Variants in RNF19A observed in about 807,000 individuals in gnomAD.
RNF19A encodes the protein E3 ubiquitin-protein ligase RNF19A.
RNF19A carries 32 observed loss-of-function variants against 75.7 expected under a neutral mutation model. The observed-to-expected ratio is 0.42, with a 90% CI of 0.32 to 0.57. The LOEUF (loss-of-function observed/expected upper bound fraction) is 0.57. Among genes scored for constraint, RNF19A ranks in the 20% least tolerant of loss-of-function variants. The probability of loss-of-function intolerance (pLI) is 0.10; values close to 1 mark genes in which losing one functional copy is unlikely to be tolerated. For missense variants in RNF19A, 782 were observed against 1,036.3 expected (o/e 0.75, Z 3.37); for synonymous variants, 335 against 345.2 (o/e 0.97, Z 0.33).
At chr8:100,296,525 A>T (rs780079811) in intron 1 of RNF19A, among the ~76,000 whole-genome samples, 10 of 152,260 alleles carry the variant, frequency 6.6e-5, no homozygotes, top group Non-Finnish European at 8.8e-5. Context: ...TTAAAATAAC[A>T]GCTAATGCAT....
chr8:100,259,235 C>G lies in RNF19A; in HGVS notation c.1838G>C (p.Ser613Thr). 2 of 1,605,098 alleles carry G rather than the reference C, an allele frequency of 1.2e-6. No individual in the cohort carries two copies. The highest frequency in any genetic ancestry group is 1.7e-6 in the Non-Finnish European group (2 of 1,175,062). The change falls in exon 10 of 10, where the codon AGT (serine) becomes ACT (threonine). Residue 613 changes from serine (S) to threonine (T), a missense_variant. Physicochemically the swap from Ser to Thr is moderately conservative, Grantham distance 58. Around this residue, in one of 7 missense-constraint regions of RNF19A, gnomAD observed 442 missense variants for 541.6 expected, o/e 0.82. Transcript: ENST00000341084. The surrounding 1 kb of genome is among the most constrained non-coding windows in gnomAD (Gnocchi z 4.5). ...SYIPLDKEGN[S>T]MEVQVDIESK... is the part of the protein sequence containing the mutation. ...CTCAATATCTACTTGCACCTCCATA[C>G]TGTTGCCTTCTCTGAAATATAAGAG...
intron 2 of RNF19A, among the ~76,000 whole-genome samples, chr8:100,282,196 G>A (rs1820810141): frequency 6.6e-6 from 1 of 152,136 alleles, no homozygotes; most frequent in Admixed American, 6.5e-5. Flanking sequence ...CATTAACATG[G>A]TTTTGAATGA....
At chr8:100,310,330 G>A (rs985842052), upstream of RNF19A, 2 of 799,986 alleles carry the variant, frequency 2.5e-6, no homozygotes, top group South Asian at 5.6e-5. Flanking sequence ...CGGCCCCCAC[G>A]CCTGTCCCTG....
At chr8:100,304,960 G>A (rs1462610697) in intron 1 of RNF19A, among the ~76,000 whole-genome samples, 1 of 152,110 alleles carries the variant, frequency 6.6e-6, no homozygotes, top group Non-Finnish European at 1.5e-5. Flanking sequence ...TTTAGAGATG[G>A]TGTCTTGCTC....
chr8:100,287,841 T>C lies in RNF19A; in HGVS notation c.334A>G (p.Asn112Asp), dbSNP rs1204546639. 6.2e-7 allele frequency: 1 copy of C among 1,614,074 alleles called. No homozygotes were observed. The highest frequency in any genetic ancestry group is 8.5e-7 in the Non-Finnish European group (1 of 1,180,022). ...GTTAATCCATTGTCAGAAGAGGTAT[T>C]TGTAGAGAAAATGGAGTTCTTATCA... The part of the protein sequence containing the change: ...CTDKNSIFST[N>D]TSSDNGLTSI... Residue 112 changes from asparagine (N) to aspartate (D), a missense_variant, in exon 2 of 10, where the codon AAT becomes GAT. Asn to Asp is a conservative substitution (Grantham distance 23). Around this residue, in one of 7 missense-constraint regions of RNF19A, gnomAD observed 148 missense variants for 147.9 expected, o/e 1.00. Coordinates refer to ENST00000341084, the MANE Select transcript of RNF19A (RefSeq NM_183419.4). The surrounding 1 kb of genome is among the most constrained non-coding windows in gnomAD (Gnocchi z 4.1).
In RNF19A at chr8:100,264,154, C is replaced by A; in HGVS notation, c.1348G>T (p.Val450Phe). Reference protein sequence around the residue: ...PIMLAYVYGVVPISLCRSGGC... With the variant: ...PIMLAYVYGVFPISLCRSGGC... The stretch of plus-strand genomic sequence containing the variant: ...CCGCTTCGACAAAGAGAAATTGGAA[C>A]TACGCCATAGACATAAGCTAACATA... Residue 450 changes from valine to phenylalanine, a missense_variant, in exon 7 of 10, where the codon GTT becomes TTT. Around this residue, in one of 7 missense-constraint regions of RNF19A, gnomAD observed 442 missense variants for 541.6 expected, o/e 0.82. Transcript: ENST00000341084. The surrounding 1 kb of genome is among the most constrained non-coding windows in gnomAD (Gnocchi z 4.7). The A allele has an allele frequency of 6.2e-7, 1 of 1,613,740 alleles. No homozygotes were observed. Among genetic ancestry groups the A allele is most frequent in the Non-Finnish European group, 8.5e-7 (1 of 1,179,750 alleles).
At chr8:100,270,863 G>A (rs933428846) in intron 3 of RNF19A, among the ~76,000 whole-genome samples, 8 of 152,110 alleles carry the variant, frequency 5.3e-5, no homozygotes, top group African/African-American at 1.9e-4. Flanking sequence ...ATGGCGTCAA[G>A]TTAAAATCAA....
At position 100,285,693 on chromosome 8, in the gene RNF19A, C is replaced by T. The variant is rs190090451; in HGVS notation, c.674+1808G>A. On this transcript the variant is annotated intron_variant, in intron 2 of 9. Transcript: ENST00000341084. ...TGTTGCCCAGGCTGGAGTATAGTGG[C>T]GCAATCACGGCTCACTGCAGCCTCG... 3.6e-3 allele frequency among the ~76,000 whole-genome samples: 548 copies of T among 151,626 alleles called. 3 individuals are homozygous for T. Among genetic ancestry groups the T allele is most frequent in the African/African-American group, 0.012 (489 of 41,288 alleles).
intron 3 of RNF19A, 30 bp from the exon 4 acceptor site, chr8:100,270,043 T>A (rs755561162): frequency 1.3e-6 from 2 of 1,484,480 alleles, no homozygotes; most frequent in Admixed American, 4.7e-5. Flanking sequence ...ATCTATTAAG[T>A]ACATAAAACT....
chr8:100,291,794 T>C (rs996186400), intron 1 of RNF19A, among the ~76,000 whole-genome samples: 1 of 152,202 alleles, frequency 6.6e-6, no homozygotes, highest in Non-Finnish European at 1.5e-5. Flanking sequence ...TCCAGTAATT[T>C]TGTGCTGATG....
rs1181281034 is a variant in RNF19A, at chr8:100,287,207, C to A, written c.674+294G>T. Among the ~76,000 whole-genome samples the A allele has an allele frequency of 1.3e-5, 2 of 152,124 alleles. No individual in the cohort carries two copies. Among genetic ancestry groups the A allele is most frequent in the African/African-American group, 4.8e-5 (2 of 41,422 alleles). On this transcript the variant is annotated intron_variant, in intron 2 of 9. Coordinates refer to ENST00000341084, the MANE Select transcript of RNF19A (RefSeq NM_183419.4). This position sits in a 1 kb window ranked among gnomAD's most constrained non-coding sequence, Gnocchi z 4.1. ...CATCTGTTATTCCAAAATAAAAATT[C>A]TCCAAATGGATGAGAAAACCAATTT...
At chr8:100,296,771 C>G (rs962639105) in intron 1 of RNF19A, among the ~76,000 whole-genome samples, 2 of 151,974 alleles carry the variant, frequency 1.3e-5, no homozygotes, top group African/African-American at 2.4e-5. Flanking sequence ...ACAGCATTCA[C>G]AGCTGTACCA....
chr8:100,287,265 T>G lies in RNF19A; in HGVS notation c.674+236A>C, dbSNP rs1385042494. Among the ~76,000 whole-genome samples, 1 of 152,180 alleles carries G rather than the reference T, an allele frequency of 6.6e-6. No homozygotes were observed. Among genetic ancestry groups the G allele is most frequent in the Non-Finnish European group, 1.5e-5 (1 of 68,024 alleles). ...AACTAGATCCTGTACTCTACCACCT[T>G]ACCCTTTCCTTCTAAAAGTGCTCAG... On this transcript the variant is annotated intron_variant, in intron 2 of 9. Transcript: ENST00000341084. The surrounding 1 kb of genome is among the most constrained non-coding windows in gnomAD (Gnocchi z 4.1).
In RNF19A at chr8:100,325,059, A is replaced by G. The variant is rs568620573; in HGVS notation, c.-243+11049T>C. On this transcript the variant is annotated intron_variant, in intron 1 of 3. Transcript: ENST00000519527. The surrounding 1 kb of genome is among the most constrained non-coding windows in gnomAD (Gnocchi z 4.3). ...GTAGCTGGAATTACAGGTGCCTACCACCACAACCGGCTAATTTTTTGTATT... is the reference window on the plus strand; with the variant it reads ...GTAGCTGGAATTACAGGTGCCTACCGCCACAACCGGCTAATTTTTTGTATT... 2.0e-5 allele frequency among the ~76,000 whole-genome samples: 3 copies of G among 152,138 alleles called. No homozygotes were observed. The highest frequency in any genetic ancestry group is 2.9e-5 in the Non-Finnish European group (2 of 68,010).
upstream of RNF19A, among the ~76,000 whole-genome samples, chr8:100,310,630 C>T (rs192358801): frequency 1.3e-5 from 2 of 152,238 alleles, no homozygotes; most frequent in African/African-American, 4.8e-5. Context: ...AGGACGGCAG[C>T]ACCCTGTGCG....
chr8:100,264,635 A>T lies in RNF19A; in HGVS notation c.1306+36T>A, dbSNP rs928038306. On this transcript the variant is annotated intron_variant, in intron 6 of 9. Coordinates refer to ENST00000341084, the MANE Select transcript of RNF19A (RefSeq NM_183419.4). The surrounding 1 kb of genome is among the most constrained non-coding windows in gnomAD (Gnocchi z 4.7). ...TTCCACAAAACTTTAACTCCATAAA[A>T]TTGTAGGTAATTAGTACTTTTCAGC... 7.5e-7 allele frequency: 1 copy of T among 1,335,802 alleles called. No homozygotes were observed. The highest frequency in any genetic ancestry group is 1.2e-5 in the South Asian group (1 of 80,652). The allele number at this position is 1,335,802 out of a possible 1,614,324, so 82.7% of individuals were successfully genotyped here.
rs1376975089 is a variant in RNF19A, at chr8:100,261,616, G to A, written c.1608C>T (p.Ala536=). The change falls in exon 8 of 10, where the codon GCC becomes GCT. Residue 536 remains alanine, a synonymous_variant. Coordinates refer to ENST00000341084, the MANE Select transcript of RNF19A (RefSeq NM_183419.4). This position sits in a 1 kb window ranked among gnomAD's most constrained non-coding sequence, Gnocchi z 4.4. Reference sequence around the variant, plus strand: ...TGGCTCCAGCTAGTGCCATGGTGCTGGCCGTTTCACTCAGGTTGTCTCGGA... The same window carrying A: ...TGGCTCCAGCTAGTGCCATGGTGCTAGCCGTTTCACTCAGGTTGTCTCGGA... The part of the protein sequence containing the change: ...GAIRDNLSET[A]STMALAGASI... 6.2e-7 allele frequency: 1 copy of A among 1,614,030 alleles called. No homozygotes were observed. Among genetic ancestry groups the A allele is most frequent in the Non-Finnish European group, 8.5e-7 (1 of 1,180,014 alleles).
chr8:100,311,639 A>G (rs1390118830), upstream of RNF19A, among the ~76,000 whole-genome samples: 1 of 146,716 alleles, frequency 6.8e-6, no homozygotes, highest in African/African-American at 2.6e-5. Context: ...GATGGCGTGA[A>G]CCCGGGCGGC....
chr8:100,283,041 G>T (rs1157951622), intron 2 of RNF19A, among the ~76,000 whole-genome samples: 1 of 152,186 alleles, frequency 6.6e-6, no homozygotes, highest in Non-Finnish European at 1.5e-5. Flanking sequence ...CATGAGGTTA[G>T]CCTGTGGTTC....
Sources: gnomAD v4.1 joint callset for allele counts (sites outside exome capture counted in the v4.1 genomes callset) on GRCh38, gnomAD v4.1.1 for gene constraint, gnomAD v4.1.1 regional missense constraint, Gnocchi (gnomAD v3.1) non-coding constraint, MANE v1.5 for transcripts, NCBI Gene and HGNC (gene_info 2026-07-23, HGNC 2026-07-21) for gene names.